DLC1: variants seen among roughly 807,000 people sequenced by gnomAD.
DLC1 encodes DLC1 Rho GTPase activating protein, also known as rho GTPase-activating protein 7.
In DLC1, 54 loss-of-function variants were observed where a neutral mutation model predicts 140.3. That is an observed-to-expected ratio of 0.38 (90% confidence interval 0.31 to 0.48). The LOEUF (loss-of-function observed/expected upper bound fraction) is 0.48. DLC1 is among the 20% of genes least tolerant of loss of function. The pLI is 0.96. For missense variants in DLC1, 2,536 were observed against 1,907.0 expected, an observed-to-expected ratio of 1.33 and a Z score of -6.14; for synonymous variants, 986 against 728.1, an observed-to-expected ratio of 1.35 and a Z score of -5.70.
intron 4 of DLC1, among the ~76,000 whole-genome samples, chr8:13,380,955 C>T (rs2117159225): frequency 1.3e-5 from 2 of 152,282 alleles, no homozygotes; most frequent in South Asian, 4.2e-4. Flanking sequence ...CTCCAACACA[C>T]TTTGCCCTCT....
chr8:13,462,198 T>G (rs979165698), intron 2 of DLC1, among the ~76,000 whole-genome samples: 16 of 152,128 alleles, frequency 1.1e-4, no homozygotes, highest in Non-Finnish European at 1.8e-4. Flanking sequence ...TTGTACAAAT[T>G]CTATCCAAAC....
At chr8:13,106,597 C>T (rs1314927084) in intron 7 of DLC1, among the ~76,000 whole-genome samples, 1 of 152,196 alleles carries the variant, frequency 6.6e-6, no homozygotes, top group Non-Finnish European at 1.5e-5. Flanking sequence ...GGGATCCTCC[C>T]ATCTTGGCCT....
chr8:13,276,515 G>C (rs1044787005), intron 5 of DLC1: 97 of 1,302,762 alleles, frequency 7.4e-5, no homozygotes, highest in Non-Finnish European at 2.0e-5. Context: ...CCGGCATTGC[G>C]GCTGGCACTG....
In DLC1 at chr8:13,222,167, C is replaced by T. The variant is rs533727331; in HGVS notation, c.1348+83102G>A. 2.9e-3 allele frequency among the ~76,000 whole-genome samples: 446 copies of T among 151,738 alleles called. 3 individuals carry two copies. Among genetic ancestry groups the T allele is most frequent in the African/African-American group, 9.2e-3 (383 of 41,420 alleles). ...CAGAATATATTACAGAGAGGTATTT[C>T]ACATCAAGAAATGTAGGGCCACTCC... On this transcript the variant is annotated intron_variant, in intron 5 of 17. Coordinates refer to ENST00000276297, the MANE Select transcript of DLC1 (RefSeq NM_182643.3).
At chr8:13,220,444 C>T (rs946407959) in intron 5 of DLC1, among the ~76,000 whole-genome samples, 4 of 152,002 alleles carry the variant, frequency 2.6e-5, no homozygotes, top group Admixed American at 6.6e-5. Flanking sequence ...CAAATTTGAT[C>T]GAAGTAAGGA....
At chr8:13,318,630 T>A (rs1419356639) in intron 4 of DLC1, among the ~76,000 whole-genome samples, 1 of 152,216 alleles carries the variant, frequency 6.6e-6, no homozygotes, top group East Asian at 1.9e-4. Context: ...TGGATTTTAA[T>A]TGCTAGTAAC....
rs559446588 is a variant in DLC1 at position 13,396,204 on chromosome 8, C to T, written c.1174-2511G>A. ...CCTCCCGAGTAGCTGGGATTACAGG[C>T]GCCCACCACCACACCCGGCTAAATT... On this transcript the variant is annotated intron_variant, in intron 3 of 17. Coordinates refer to ENST00000276297, the MANE Select transcript of DLC1 (RefSeq NM_182643.3). Among the ~76,000 whole-genome samples, 798 of 151,738 alleles carry T rather than the reference C, an allele frequency of 5.3e-3. 9 individuals carry two copies. The highest frequency in any genetic ancestry group is 0.018 in the African/African-American group (752 of 41,370).
intron 2 of DLC1, among the ~76,000 whole-genome samples, chr8:13,428,962 TC>T (rs2117382701): frequency 6.6e-6 from 1 of 152,278 alleles, no homozygotes; most frequent in South Asian, 2.1e-4. Flanking sequence ...CTAAATAAGT[TC>T]CGTAGAATCA....
At chr8:13,091,240 T>G (rs546778475) in intron 14 of DLC1, 78 bp downstream of exon 14, 5 of 1,431,288 alleles carry the variant, frequency 3.5e-6, no homozygotes, top group South Asian at 1.2e-5. Flanking sequence ...AGGTAAGACA[T>G]GAACAAGGGT....
chr8:13,365,190 G>A (rs1198255284), intron 4 of DLC1, among the ~76,000 whole-genome samples: 1 of 152,178 alleles, frequency 6.6e-6, no homozygotes, highest in Non-Finnish European at 1.5e-5. Flanking sequence ...ATACCCTGTA[G>A]GGATTCCTTT....
intron 1 of DLC1, among the ~76,000 whole-genome samples, chr8:13,596,547 C>T (rs66965169): frequency 0.25 from 38,665 of 151,856 alleles, 5,856 homozygotes; most frequent in Non-Finnish European, 0.35. Flanking sequence ...AAGAAATTAG[C>T]AGAGTAACAA....
At chr8:13,531,203 C>T (rs1300677089) in intron 1 of DLC1, among the ~76,000 whole-genome samples, 1 of 152,148 alleles carries the variant, frequency 6.6e-6, no homozygotes, top group Non-Finnish European at 1.5e-5. Flanking sequence ...TAAATGTCTG[C>T]CCTGGAAACC....
At chr8:13,126,385 AC>A (rs1821569955) in intron 5 of DLC1, among the ~76,000 whole-genome samples, 1 of 151,932 alleles carries the variant, frequency 6.6e-6, no homozygotes, top group Non-Finnish European at 1.5e-5. Context: ...ACACACACAC[AC>A]ACACACACAC....
chr8:13,354,411 C>A (rs916313583), intron 4 of DLC1, among the ~76,000 whole-genome samples: 1 of 151,960 alleles, frequency 6.6e-6, no homozygotes, highest in Non-Finnish European at 1.5e-5. Flanking sequence ...CAGGGCCTAA[C>A]AGTGTGTGTG....
intron 4 of DLC1, among the ~76,000 whole-genome samples, chr8:13,370,742 G>A (rs1361666314): frequency 6.6e-6 from 1 of 152,134 alleles, no homozygotes; most frequent in Non-Finnish European, 1.5e-5. Flanking sequence ...TTTTCTTTCT[G>A]GGGTGGCAAG....
intron 1 of DLC1, among the ~76,000 whole-genome samples, chr8:13,541,544 T>G (rs1401074550): frequency 6.6e-6 from 1 of 152,172 alleles, no homozygotes; most frequent in Non-Finnish European, 1.5e-5. Flanking sequence ...TTTGGGAATC[T>G]TTTTATGGAT....
chr8:13,140,840 T>G (rs1822926178), intron 5 of DLC1, among the ~76,000 whole-genome samples: 1 of 152,118 alleles, frequency 6.6e-6, no homozygotes, highest in South Asian at 2.1e-4. Context: ...CTAGATAGGG[T>G]TTTTGGCTTT....
At chr8:13,580,928 G>T (rs1805072193) in intron 1 of DLC1, among the ~76,000 whole-genome samples, 1 of 152,168 alleles carries the variant, frequency 6.6e-6, no homozygotes, top group Non-Finnish European at 1.5e-5. Flanking sequence ...TCCCCAGCAT[G>T]AACTGAGTCT....
chr8:13,225,682 C>A (rs1168755576), intron 5 of DLC1, among the ~76,000 whole-genome samples: 1 of 151,120 alleles, frequency 6.6e-6, no homozygotes, highest in Non-Finnish European at 1.5e-5. Flanking sequence ...GAGGCGCGGC[C>A]TCGGCTCACT....
Sources: gnomAD v4.1 joint callset for allele counts (sites outside exome capture counted in the v4.1 genomes callset) on GRCh38, gnomAD v4.1.1 for gene constraint, MANE v1.5 for transcripts, NCBI Gene and HGNC (gene_info 2026-07-23, HGNC 2026-07-21) for gene names.